NKAIN3: variants seen among roughly 807,000 people sequenced by gnomAD.
NKAIN3 encodes the protein sodium/potassium transporting ATPase interacting 3.
Under a neutral mutation model 30.2 loss-of-function variants are expected in NKAIN3, and 25 were observed. That is an observed-to-expected ratio of 0.83 (90% CI 0.60 to 1.16). The LOEUF (loss-of-function observed/expected upper bound fraction) is 1.16. Among genes scored for constraint, NKAIN3 ranks in the 50% most tolerant of loss-of-function variants. The pLI is 0.00. For synonymous variants in NKAIN3, 91 were observed against 89.6 expected (o/e 1.02, Z -0.09); for missense variants, 225 against 254.1 (o/e 0.89, Z 0.78).
At chr8:62,412,907 G>A (rs1480861348) in intron 1 of NKAIN3, among the ~76,000 whole-genome samples, 2 of 55,116 alleles carry the variant, frequency 3.6e-5, no homozygotes, top group African/African-American at 7.2e-5. Context: ...CTGAGACTCC[G>A]TCAAAAAAAA....
At chr8:62,540,155 T>G (rs993597117) in intron 1 of NKAIN3, among the ~76,000 whole-genome samples, 4 of 152,222 alleles carry the variant, frequency 2.6e-5, no homozygotes, top group African/African-American at 9.6e-5. Flanking sequence ...TAATTTCTGC[T>G]CTCAAAAGGA....
At chr8:62,388,849 A>G (rs1179419556) in intron 1 of NKAIN3, among the ~76,000 whole-genome samples, 3 of 151,322 alleles carry the variant, frequency 2.0e-5, no homozygotes, top group Non-Finnish European at 4.4e-5. Context: ...TAGTGTTTCC[A>G]GTTGTAATAA....
At chr8:62,285,038 A>C (rs1367881964) in intron 1 of NKAIN3, among the ~76,000 whole-genome samples, 2 of 152,152 alleles carry the variant, frequency 1.3e-5, no homozygotes, top group African/African-American at 2.4e-5. Flanking sequence ...ATTTCATCTC[A>C]AATATATTGC....
At chr8:62,863,791 T>A in intron 4 of NKAIN3, 1 of 1,611,324 alleles carries the variant, frequency 6.2e-7, no homozygotes, top group Non-Finnish European at 8.5e-7. Flanking sequence ...AGTGCCCCCA[T>A]CCAAGCTTTC....
At chr8:62,612,534 T>C (rs890100963) in intron 3 of NKAIN3, among the ~76,000 whole-genome samples, 6 of 115,714 alleles carry the variant, frequency 5.2e-5, no homozygotes, top group Non-Finnish European at 9.7e-5. Context: ...GATCAATGGG[T>C]CTTGTTTTTT....
At chr8:62,367,674 T>C (rs4738960) in intron 1 of NKAIN3, among the ~76,000 whole-genome samples, 147,439 of 152,184 alleles carry the variant, frequency 0.97, 71,480 homozygotes, top group East Asian at 1. Flanking sequence ...TTTAAATTTA[T>C]GCACAAAGCA....
At chr8:62,569,317 A>C (rs768620779) in intron 1 of NKAIN3, among the ~76,000 whole-genome samples, 4 of 152,180 alleles carry the variant, frequency 2.6e-5, no homozygotes, top group Non-Finnish European at 5.9e-5. Flanking sequence ...ATTACAGTTT[A>C]AAATATAAAA....
At chr8:62,937,196 A>C (rs1267747330) in intron 5 of NKAIN3, among the ~76,000 whole-genome samples, 3 of 152,176 alleles carry the variant, frequency 2.0e-5, no homozygotes, top group Non-Finnish European at 4.4e-5. Flanking sequence ...TGCGGCTCCC[A>C]CTCAGATAGA....
Position 62,564,225 on chromosome 8 carries a change from A to G in NKAIN3, c.55-15314A>G, listed in dbSNP as rs776149664. Among the ~76,000 whole-genome samples the G allele has an allele frequency of 2.6e-4, 39 of 152,158 alleles. 1 individual carries two copies. The highest frequency in any genetic ancestry group is 1.2e-4 in the Non-Finnish European group (8 of 68,018). On this transcript the variant is annotated intron_variant, in intron 1 of 6. Coordinates refer to ENST00000623646, the MANE Select transcript of NKAIN3 (RefSeq NM_001304533.3). ...TGTCCTTTAGATACTAATTTTAAAAATATTAACACAAGGTCCCTCCTCTAA... is the reference window on the plus strand; with the variant it reads ...TGTCCTTTAGATACTAATTTTAAAAGTATTAACACAAGGTCCCTCCTCTAA...
rs184065842 is a variant in NKAIN3, at chr8:62,973,714, G to A, written c.*8307G>A. Among the ~76,000 whole-genome samples, 405 of 152,208 alleles carry A rather than the reference G, an allele frequency of 2.7e-3. 1 individual carries two copies. The highest frequency in any genetic ancestry group is 4.5e-3 in the Non-Finnish European group (306 of 68,012). The stretch of plus-strand genomic sequence containing the variant: ...TTGGCTTTTGTTGACATTGCTTTTG[G>A]TGTTTCAGTCATGAAGTCTTTGCCC... On this transcript the variant is annotated 3_prime_UTR_variant, in exon 7 of 7. Transcript: ENST00000623646.
chr8:62,361,111 T>A (rs1005801312), intron 1 of NKAIN3, among the ~76,000 whole-genome samples: 7 of 152,060 alleles, frequency 4.6e-5, no homozygotes, highest in Non-Finnish European at 5.9e-5. Context: ...CGCAGTAGAA[T>A]CACTGGTGAT....
intron 1 of NKAIN3, among the ~76,000 whole-genome samples, chr8:62,265,721 A>C (rs1812580619): frequency 6.6e-6 from 1 of 152,186 alleles, no homozygotes; most frequent in Admixed American, 6.5e-5. Flanking sequence ...CTGTATTTTT[A>C]TAGTACACAT....
At chr8:62,604,902 C>T (rs941484023) in intron 3 of NKAIN3, among the ~76,000 whole-genome samples, 3 of 152,076 alleles carry the variant, frequency 2.0e-5, no homozygotes, top group Non-Finnish European at 4.4e-5. Flanking sequence ...TTCTGGTTAT[C>T]GTCCATAATC....
At chr8:62,826,710 A>G (rs761697584) in intron 4 of NKAIN3, among the ~76,000 whole-genome samples, 1 of 152,198 alleles carries the variant, frequency 6.6e-6, no homozygotes, top group Non-Finnish European at 1.5e-5. Flanking sequence ...GAAGACAATT[A>G]CATGTGAAGG....
At chr8:62,869,854 G>A (rs1262370897) in intron 4 of NKAIN3, among the ~76,000 whole-genome samples, 7 of 151,968 alleles carry the variant, frequency 4.6e-5, no homozygotes, top group South Asian at 2.1e-4. Flanking sequence ...TGCAAGCTCC[G>A]CCTCCCGAGT....
Position 62,972,972 on chromosome 8 carries a change from G to A in NKAIN3, c.*7565G>A, listed in dbSNP as rs892266846. 2.0e-5 allele frequency among the ~76,000 whole-genome samples: 3 copies of A among 151,784 alleles called. No homozygotes were observed. Among genetic ancestry groups the A allele is most frequent in the Non-Finnish European group, 1.5e-5 (1 of 67,980 alleles). ...AGTTTGCTGAGAATGATGGTTTCCA[G>A]CTTCATCCATGTCCCTGCAAAGGAC... On this transcript the variant is annotated 3_prime_UTR_variant, in exon 7 of 7. Transcript: ENST00000623646.
At chr8:62,396,401 A>G (rs959300274) in intron 1 of NKAIN3, among the ~76,000 whole-genome samples, 4 of 152,234 alleles carry the variant, frequency 2.6e-5, no homozygotes, top group African/African-American at 7.2e-5. Context: ...CAGGACAATT[A>G]TACAATGAAA....
chr8:62,493,434 A>G lies in NKAIN3; in HGVS notation c.55-86105A>G, dbSNP rs1585869040. Among the ~76,000 whole-genome samples, 5 of 151,948 alleles carry G rather than the reference A, an allele frequency of 3.3e-5. No homozygotes were observed. The South Asian group carries it at 1.0e-3, about 31-fold the overall frequency. On this transcript the variant is annotated intron_variant, in intron 1 of 6. Transcript: ENST00000623646. The stretch of plus-strand genomic sequence containing the variant: ...TTGTTTTGGTTACTATAGCCCTGTA[A>G]TATAATTTGAAGTCAATTAATGTGA...
rs528500567 is a variant in NKAIN3 at position 62,697,299 on chromosome 8, C to G, written c.274-49633C>G. Among the ~76,000 whole-genome samples the G allele has an allele frequency of 4.6e-5, 7 of 152,300 alleles. No homozygotes were observed. In the South Asian group the frequency reaches 1.0e-3, roughly 23 times the overall value. ...TACTACTTGCCTACTCTGTTCCAGC[C>G]ATGCTGGCTGCCTTGCGGTCCCTCT... On this transcript the variant is annotated intron_variant, in intron 3 of 6. Coordinates refer to ENST00000623646, the MANE Select transcript of NKAIN3 (RefSeq NM_001304533.3).
Sources: allele counts gnomAD v4.1 joint callset (sites outside exome capture counted in the v4.1 genomes callset), GRCh38; gene constraint gnomAD v4.1.1; transcripts MANE v1.5; gene names NCBI Gene and HGNC (gene_info 2026-07-23, HGNC 2026-07-21).